RAB5C: variants seen among roughly 807,000 people sequenced by gnomAD.
The protein encoded by RAB5C is ras-related protein Rab-5C.
RAB5C carries 4 observed loss-of-function variants against 25.2 expected under a neutral mutation model. The observed-to-expected ratio is 0.16, with a 90% CI of 0.08 to 0.36. RAB5C has a LOEUF of 0.36. Among genes scored for constraint, RAB5C ranks in the 10% least tolerant of loss-of-function variants. The pLI is 1.00. For synonymous variants in RAB5C, 100 were observed against 106.4 expected, an observed-to-expected ratio of 0.94 and a Z score of 0.37; for missense variants, 199 against 283.8, an observed-to-expected ratio of 0.70 and a Z score of 2.15.
intron 1 of RAB5C, among the ~76,000 whole-genome samples, chr17:42,152,838 A>G (rs1012110425): frequency 2.0e-5 from 3 of 152,110 alleles, no homozygotes; most frequent in Non-Finnish European, 4.4e-5. Flanking sequence ...CAGACAAAGA[A>G]AAGAAGGTCT....
intron 1 of RAB5C, chr17:42,131,731 C>CA: frequency 1.0e-6 from 1 of 995,120 alleles, no homozygotes; most frequent in Non-Finnish European, 1.5e-6. Context: ...ACATCTGAAT[C>CA]ACTTGGTTAG....
At chr17:42,127,229 G>C (rs1303013542) in intron 4 of RAB5C, among the ~76,000 whole-genome samples, 1 of 152,182 alleles carries the variant, frequency 6.6e-6, no homozygotes, top group East Asian at 1.9e-4. Context: ...TATTATTAGG[G>C]ATTGGTAAAA....
intron 1 of RAB5C, among the ~76,000 whole-genome samples, chr17:42,149,249 A>G (rs903932815): frequency 1.3e-5 from 2 of 152,190 alleles, no homozygotes; most frequent in African/African-American, 4.8e-5. Flanking sequence ...ACTCCCAGAA[A>G]TCTGGGAGTT....
chr17:42,126,720 G>A (rs1183355901), intron 5 of RAB5C, 35 bp downstream of exon 5: 5 of 1,420,162 alleles, frequency 3.5e-6, no homozygotes, highest in Non-Finnish European at 5.0e-6. Flanking sequence ...TGCCCTTGCT[G>A]TGGTGGAGAG....
In RAB5C at chr17:42,126,768, G is replaced by T. The variant is rs751806295; in HGVS notation, c.522C>A (p.Ile174=). 4.3e-5 allele frequency: 69 copies of T among 1,609,878 alleles called. No homozygotes were observed. The Admixed American group carries it at 6.3e-4, about 15-fold the overall frequency. The change falls in exon 5 of 6, where the codon ATC becomes ATA. Residue 174 remains isoleucine (I), a synonymous_variant. Coordinates refer to ENST00000346213, the MANE Select transcript of RAB5C (RefSeq NM_004583.4). ...SAKTAMNVNE[I]FMAIAKKLPK... Reference sequence around the variant, plus strand: ...GAAGCAACTGACCTATTGCCATGAAGATTTCGTTCACGTTCATTGCAGTCT... The same window carrying T: ...GAAGCAACTGACCTATTGCCATGAATATTTCGTTCACGTTCATTGCAGTCT...
chr17:42,125,924 T>C, intron 5 of RAB5C, 26 bp from the exon 6 acceptor site: 1 of 1,534,630 alleles, frequency 6.5e-7, no homozygotes, highest in East Asian at 2.3e-5. Flanking sequence ...AAAAGTGCAT[T>C]TGTTGGGGGT....
intron 1 of RAB5C, among the ~76,000 whole-genome samples, chr17:42,143,612 G>A (rs969094442): frequency 6.6e-6 from 1 of 150,660 alleles, no homozygotes; most frequent in Non-Finnish European, 1.5e-5. Context: ...ACTCCAGCCT[G>A]GGGGACAGAG....
intron 1 of RAB5C, among the ~76,000 whole-genome samples, chr17:42,138,495 A>G (rs2054559841): frequency 1.3e-5 from 2 of 152,208 alleles, no homozygotes; most frequent in Admixed American, 1.3e-4. Flanking sequence ...CCACAGCCAC[A>G]GGAAGATGAC....
At chr17:42,154,150 A>C (rs2144107933) in intron 1 of RAB5C, among the ~76,000 whole-genome samples, 1 of 152,128 alleles carries the variant, frequency 6.6e-6, no homozygotes, top group African/African-American at 2.4e-5. Context: ...GGGGGAGGGG[A>C]AAGAAGATAA....
intron 1 of RAB5C, among the ~76,000 whole-genome samples, chr17:42,149,874 T>TG (rs1485127672): frequency 6.9e-6 from 1 of 144,174 alleles, no homozygotes; most frequent in Admixed American, 6.9e-5. Flanking sequence ...TTGCCCAGGC[T>TG]GGTTTTTTTT....
intron 1 of RAB5C, among the ~76,000 whole-genome samples, chr17:42,143,639 A>T (rs2079615404): frequency 6.6e-6 from 1 of 150,798 alleles, no homozygotes; most frequent in Admixed American, 6.6e-5. Flanking sequence ...TGTCTCCAAA[A>T]ATCTGGCAGT....
intron 2 of RAB5C, 28 bp from the exon 3 acceptor site, chr17:42,128,828 C>T (rs2054456287): frequency 7.0e-7 from 1 of 1,435,722 alleles, no homozygotes; most frequent in East Asian, 2.6e-5. Context: ...CGTCCATGGG[C>T]AAGAGCGAGT....
intron 1 of RAB5C, among the ~76,000 whole-genome samples, chr17:42,141,501 G>T (rs976306523): frequency 6.6e-6 from 1 of 152,140 alleles, no homozygotes; most frequent in South Asian, 2.1e-4. Context: ...GCAAGTGAAC[G>T]GGGGAAGTTG....
chr17:42,125,874 G>A lies in RAB5C; in HGVS notation c.560C>T (p.Pro187Leu), dbSNP rs905078164. ...AIAKKLPKNE[P>L]QNATGAPGRN... ...GCCTGGAGCACCAGTTGCATTCTGG[G>A]GCTCGTTCTTGGGAAGCTTCTTAGC... Residue 187 changes from proline to leucine, a missense_variant, in exon 6 of 6, where the codon CCC becomes CTC. Physicochemically the swap from Pro to Leu is moderately conservative, Grantham distance 98. Coordinates refer to ENST00000346213, the MANE Select transcript of RAB5C (RefSeq NM_004583.4). 3 of 1,611,316 alleles carry A rather than the reference G, an allele frequency of 1.9e-6. No individual in the cohort carries two copies. The highest frequency in any genetic ancestry group is 3.4e-5 in the Admixed American group (2 of 59,656).
At chr17:42,131,124 C>G (rs2240009) in intron 1 of RAB5C, among the ~76,000 whole-genome samples, 54,004 of 151,944 alleles carry the variant, frequency 0.36, 12,949 homozygotes, top group African/African-American at 0.69. Context: ...AACCTCATGG[C>G]CATTCAGGGA....
At chr17:42,130,782 A>G (rs2054477607) in intron 1 of RAB5C, among the ~76,000 whole-genome samples, 192 bp from the exon 2 acceptor site, 1 of 151,440 alleles carries the variant, frequency 6.6e-6, no homozygotes, top group Non-Finnish European at 1.5e-5. Flanking sequence ...TACCGGCTCT[A>G]CCACCATCTG....
chr17:42,154,081 T>C (rs901268419), intron 1 of RAB5C, among the ~76,000 whole-genome samples: 5 of 152,172 alleles, frequency 3.3e-5, no homozygotes, highest in Non-Finnish European at 7.4e-5. Flanking sequence ...GCAGTCCCTT[T>C]GAGGCGGCTG....
intron 1 of RAB5C, chr17:42,131,848 TCAGACATATACATCTGATGTCAA>T (rs1395895515): frequency 1.6e-5 from 8 of 500,140 alleles, no homozygotes; most frequent in Admixed American, 3.5e-5. Flanking sequence ...GGATGTCTCA[TCAGACATATACATCTGATGTCAA>T]CAGACATCAG....
intron 4 of RAB5C, among the ~76,000 whole-genome samples, 182 bp downstream of exon 4, chr17:42,128,079 C>T (rs909602852): frequency 3.3e-5 from 5 of 152,206 alleles, no homozygotes; most frequent in Non-Finnish European, 7.3e-5. Flanking sequence ...TCCAGCCTCC[C>T]AAGGCACTGG....
Sources: allele counts gnomAD v4.1 joint callset (sites outside exome capture counted in the v4.1 genomes callset), GRCh38; gene constraint gnomAD v4.1.1; transcripts MANE v1.5; gene names NCBI Gene and HGNC (gene_info 2026-07-23, HGNC 2026-07-21).